Variants in TENM3 observed in about 807,000 individuals in gnomAD.
The protein encoded by TENM3 is teneurin-3.
TENM3 carries 63 observed loss-of-function variants against 255.1 expected under a neutral mutation model. The observed-to-expected ratio is 0.25, with a 90% CI of 0.20 to 0.30. The LOEUF is 0.30. Among genes scored for constraint, TENM3 ranks in the 10% least tolerant of loss-of-function variants. The pLI, the probability that TENM3 is intolerant of heterozygous loss-of-function variation, is 1.00. For missense variants in TENM3, 2,929 were observed against 3,461.1 expected (o/e 0.85, Z 3.86); for synonymous variants, 1,306 against 1,322.3 (o/e 0.99, Z 0.27).
chr4:181,813,031 C>T, the TENM3 span, among the ~76,000 whole-genome samples: 1 of 152,148 alleles, frequency 6.6e-6, no homozygotes, highest in Non-Finnish European at 1.5e-5. Context: ...CATACCTTTA[C>T]AAAATAGACT....
intron 4 of TENM3, among the ~76,000 whole-genome samples, chr4:182,614,061 C>G (rs1749254073): frequency 6.6e-6 from 1 of 152,152 alleles, no homozygotes; most frequent in African/African-American, 2.4e-5. Context: ...CTCACGGTGT[C>G]ACAGCTAGAA....
At chr4:181,825,064 T>G in the TENM3 span, among the ~76,000 whole-genome samples, 1 of 152,202 alleles carries the variant, frequency 6.6e-6, no homozygotes, top group Non-Finnish European at 1.5e-5. Flanking sequence ...CAGGTGTCAT[T>G]AGCATAAGCA....
At chr4:181,580,561 C>T in the TENM3 span, among the ~76,000 whole-genome samples, 2 of 152,156 alleles carry the variant, frequency 1.3e-5, no homozygotes, top group African/African-American at 2.4e-5. Flanking sequence ...GAAGTGGGGC[C>T]CCCAGCACCT....
At chr4:182,028,140 TC>T in the TENM3 span, among the ~76,000 whole-genome samples, 1 of 152,190 alleles carries the variant, frequency 6.6e-6, no homozygotes, top group Non-Finnish European at 1.5e-5. Context: ...ACGGCTTTGA[TC>T]TCATTACTTG....
chr4:181,820,176 C>T, the TENM3 span: 3 of 152,244 alleles, frequency 2.0e-5, no homozygotes, highest in African/African-American at 7.2e-5. Context: ...CTTGGAGCAG[C>T]TCCTAACTCT....
chr4:182,101,132 A>G, the TENM3 span, among the ~76,000 whole-genome samples: 1 of 24,108 alleles, frequency 4.1e-5, no homozygotes, highest in African/African-American at 1.7e-4. Context: ...GGAAAGAAGG[A>G]AGGAAGGAAA....
chr4:182,793,821 C>T lies in TENM3; in HGVS notation c.7149C>T (p.Asn2383=), dbSNP rs1201443107. 6.2e-7 allele frequency: 1 copy of T among 1,613,888 alleles called. No individual in the cohort carries two copies. Among genetic ancestry groups the T allele is most frequent in the South Asian group, 1.1e-5 (1 of 91,074 alleles). The change falls in exon 26 of 28, where the codon AAC becomes AAT. Residue 2383 remains asparagine (N), a synonymous_variant. Transcript: ENST00000511685. The surrounding 1 kb of genome is among the most constrained non-coding windows in gnomAD (Gnocchi z 5.7). The part of the protein sequence containing the change: ...KRIGKDPAPF[N]LYMFRNNNPA... ...TTGGGAAGGACCCAGCTCCTTTTAA[C>T]TTGTACATGTTTAGGAATAACAACC... is the stretch of plus-strand genomic sequence containing the variant.
chr4:182,669,112 A>G (rs556525264), intron 6 of TENM3, among the ~76,000 whole-genome samples: 1 of 152,198 alleles, frequency 6.6e-6, no homozygotes, highest in South Asian at 2.1e-4. Flanking sequence ...TTAAAATATG[A>G]TATGTATACT....
the TENM3 span, among the ~76,000 whole-genome samples, chr4:181,674,548 A>C: frequency 1.3e-5 from 2 of 152,204 alleles, no homozygotes; most frequent in Admixed American, 1.3e-4. Flanking sequence ...CAAGAAGGTA[A>C]TTCAGCAAGC....
At chr4:181,464,965 A>T in the TENM3 span, among the ~76,000 whole-genome samples, 1 of 152,194 alleles carries the variant, frequency 6.6e-6, no homozygotes, top group Non-Finnish European at 1.5e-5. Flanking sequence ...AAAAAAAGAA[A>T]AAAAGTCCAA....
At chr4:181,855,351 CAAGTTT>C in the TENM3 span, among the ~76,000 whole-genome samples, 2 of 152,144 alleles carry the variant, frequency 1.3e-5, no homozygotes, top group African/African-American at 4.8e-5. Flanking sequence ...ATTACTAGCT[CAAGTTT>C]AAGATTGGCA....
chr4:182,652,680 T>A (rs1342616841), intron 5 of TENM3, among the ~76,000 whole-genome samples: 1 of 152,226 alleles, frequency 6.6e-6, no homozygotes, highest in Non-Finnish European at 1.5e-5. Context: ...ATGTATTGGA[T>A]CTGAAGGGCT....
the TENM3 span, among the ~76,000 whole-genome samples, chr4:182,130,738 T>C: frequency 3.3e-5 from 5 of 152,090 alleles, no homozygotes; most frequent in African/African-American, 1.2e-4. Flanking sequence ...AGATAAATGT[T>C]TAAGACAAAG....
the TENM3 span, among the ~76,000 whole-genome samples, chr4:181,502,671 T>C: frequency 6.6e-6 from 1 of 152,166 alleles, no homozygotes; most frequent in Non-Finnish European, 1.5e-5. Flanking sequence ...GTTTCATTTA[T>C]TGCTATGGGC....
intron 1 of TENM3, among the ~76,000 whole-genome samples, chr4:182,280,188 G>A (rs548113043): frequency 2.8e-4 from 43 of 152,284 alleles, no homozygotes; most frequent in Middle Eastern, 3.4e-3. Context: ...TCTTTTGGCC[G>A]CTCGACTTTA....
the TENM3 span, among the ~76,000 whole-genome samples, chr4:182,019,040 G>A: frequency 1.3e-5 from 2 of 152,156 alleles, no homozygotes; most frequent in Admixed American, 6.5e-5. Context: ...ATGAAACAAG[G>A]TCCTGGCTTG....
the TENM3 span, among the ~76,000 whole-genome samples, chr4:182,007,301 T>C: frequency 4.6e-3 from 701 of 152,082 alleles, 5 homozygotes; most frequent in African/African-American, 0.015. Flanking sequence ...TTTGTCTCGC[T>C]GATCTAATAC....
chr4:182,725,194 T>G (rs1760067827), intron 13 of TENM3, among the ~76,000 whole-genome samples: 1 of 152,018 alleles, frequency 6.6e-6, no homozygotes, highest in South Asian at 2.1e-4. Flanking sequence ...CACACCACCA[T>G]ACCTGGCTAA....
intron 1 of TENM3, among the ~76,000 whole-genome samples, chr4:182,257,587 G>T (rs1430666629): frequency 6.6e-6 from 1 of 152,162 alleles, no homozygotes; most frequent in Non-Finnish European, 1.5e-5. Context: ...CACTGCCCAA[G>T]GATGCATTTC....
Sources: allele counts gnomAD v4.1 joint callset (sites outside exome capture counted in the v4.1 genomes callset), GRCh38; gene constraint gnomAD v4.1.1; non-coding constraint Gnocchi (gnomAD v3.1); transcripts MANE v1.5; gene names NCBI Gene and HGNC (gene_info 2026-07-23, HGNC 2026-07-21).